TTC6: variants seen among roughly 807,000 people sequenced by gnomAD.
The protein encoded by TTC6 is tetratricopeptide repeat domain 6.
In TTC6, 172 loss-of-function variants were observed where a neutral mutation model predicts 210.4. The ratio of observed to expected loss-of-function variants is 0.82; its 90% CI spans 0.72 to 0.93. The LOEUF (loss-of-function observed/expected upper bound fraction) is 0.93. Ranked by LOEUF, TTC6 falls within the 40% of genes least tolerant of loss-of-function variation. The pLI, the probability that TTC6 is intolerant of heterozygous loss-of-function variation, is 0.00. For synonymous variants in TTC6, 804 were observed against 819.6 expected, an observed-to-expected ratio of 0.98 and a Z score of 0.32; for missense variants, 2,414 against 2,318.1, an observed-to-expected ratio of 1.04 and a Z score of -0.85.
chr14:37,635,249 A>G (rs2095677907), intron 1 of TTC6, among the ~76,000 whole-genome samples: 1 of 152,222 alleles, frequency 6.6e-6, no homozygotes, highest in Non-Finnish European at 1.5e-5. Context: ...AACAATTTCC[A>G]TTCTAGGAGA....
intron 1 of TTC6, among the ~76,000 whole-genome samples, chr14:37,667,401 A>T (rs1481302086): frequency 6.6e-6 from 1 of 150,544 alleles, no homozygotes; most frequent in Admixed American, 6.6e-5. Flanking sequence ...GAGAGATGGA[A>T]TCGCACCCTT....
chr14:37,652,267 C>T (rs1276301775), intron 1 of TTC6, among the ~76,000 whole-genome samples: 1 of 152,098 alleles, frequency 6.6e-6, no homozygotes, highest in Non-Finnish European at 1.5e-5. Context: ...TATGGTTCAC[C>T]TTAATCCATT....
At chr14:37,675,821 C>T (rs1422920445) in intron 1 of TTC6, among the ~76,000 whole-genome samples, 2 of 151,340 alleles carry the variant, frequency 1.3e-5, no homozygotes, top group Admixed American at 6.6e-5. Context: ...TTTGTGTTTC[C>T]CTGATTATTT....
chr14:37,720,117 A>G (rs1326037504), intron 6 of TTC6, among the ~76,000 whole-genome samples: 1 of 152,224 alleles, frequency 6.6e-6, no homozygotes, highest in African/African-American at 2.4e-5. Context: ...TATTAGGGAA[A>G]TGCAAATTAA....
intron 29 of TTC6, among the ~76,000 whole-genome samples, chr14:37,835,835 C>G (rs564173442): frequency 6.6e-6 from 1 of 152,146 alleles, no homozygotes; most frequent in Non-Finnish European, 1.5e-5. Flanking sequence ...ATATAATTCT[C>G]TCTATACGGA....
intron 4 of TTC6, among the ~76,000 whole-genome samples, chr14:37,697,452 T>A (rs1189492993): frequency 6.6e-6 from 1 of 152,134 alleles, no homozygotes; most frequent in Non-Finnish European, 1.5e-5. Flanking sequence ...TAAGTTTTTA[T>A]GGGTTAGTTT....
In TTC6 at chr14:37,841,660, C is replaced by A. The variant is rs766153464; in HGVS notation, c.5514C>A (p.Asp1838Glu). The A allele has an allele frequency of 2.5e-6, 4 of 1,599,900 alleles. No individual in the cohort carries two copies. In the African/African-American group the frequency reaches 5.4e-5, roughly 22 times the overall value. The change falls in exon 30 of 31, where the codon GAC becomes GAA. Residue 1838 changes from aspartate to glutamate, a missense_variant. By Grantham distance (45) the Asp-to-Glu change is conservative (BLOSUM62 2). Coordinates refer to ENST00000553443, the Ensembl canonical transcript of TTC6. ...AGCAATATGAACTAGCTGAGGAAGA[C>A]CTTAATAAAGGTACACTTTTGGTAA... is the stretch of plus-strand genomic sequence containing the variant.
At chr14:37,742,683 G>A (rs547119092) in intron 10 of TTC6, among the ~76,000 whole-genome samples, 66 of 152,162 alleles carry the variant, frequency 4.3e-4, no homozygotes, top group African/African-American at 1.5e-3. Context: ...CTCCCAAAGG[G>A]CTGAGATTAT....
At chr14:37,601,692 T>C (rs897050267) in intron 1 of TTC6, among the ~76,000 whole-genome samples, 44 of 152,298 alleles carry the variant, frequency 2.9e-4, no homozygotes, top group African/African-American at 1.0e-3. Context: ...GCTCTTACCC[T>C]GTCATCAATG....
chr14:37,688,678 T>C (rs1024390944), intron 3 of TTC6, among the ~76,000 whole-genome samples: 6 of 152,194 alleles, frequency 3.9e-5, no homozygotes, highest in Non-Finnish European at 5.9e-5. Flanking sequence ...GTAATTCAGA[T>C]AATTCTTCCA....
intron 1 of TTC6, among the ~76,000 whole-genome samples, chr14:37,632,952 G>C (rs1303424481): frequency 6.6e-6 from 1 of 152,216 alleles, no homozygotes; most frequent in Non-Finnish European, 1.5e-5. Flanking sequence ...AGTAAGGGCA[G>C]ACAACGCCCC....
intron 1 of TTC6, among the ~76,000 whole-genome samples, chr14:37,634,619 A>G (rs947684144): frequency 1.3e-5 from 2 of 152,208 alleles, no homozygotes; most frequent in Non-Finnish European, 1.5e-5. Context: ...ATAAACCTAC[A>G]TATATTCAAG....
At chr14:37,742,136 C>G (rs1379869602) in intron 10 of TTC6, among the ~76,000 whole-genome samples, 1 of 152,162 alleles carries the variant, frequency 6.6e-6, no homozygotes, top group African/African-American at 2.4e-5. Context: ...TATTCTTCAT[C>G]TGAGATCCAG....
chr14:37,827,147 A>AG, intron 28 of TTC6, 49 bp from the exon 31 acceptor site: 1 of 1,451,170 alleles, frequency 6.9e-7, no homozygotes, highest in Middle Eastern at 1.8e-4. Context: ...ATGACATCAG[A>AG]GGTAAATACT....
intron 5 of TTC6, among the ~76,000 whole-genome samples, chr14:37,710,170 G>A (rs2095842395): frequency 6.6e-6 from 1 of 152,088 alleles, no homozygotes; most frequent in Admixed American, 6.6e-5. Flanking sequence ...CCTCTCTCAG[G>A]CTTTTGTATA....
exon 7 of TTC6, chr14:37,724,989 A>G: frequency 1.3e-6 from 2 of 1,512,116 alleles, no homozygotes; most frequent in East Asian, 4.9e-5. Flanking sequence ...GAAACTCTAT[A>G]TCCAAAATAT....
intron 14 of TTC6, among the ~76,000 whole-genome samples, chr14:37,773,469 G>T (rs1020857020): frequency 6.6e-6 from 1 of 152,130 alleles, no homozygotes; most frequent in African/African-American, 2.4e-5. Context: ...TCAATCTTCT[G>T]CATATGGCTA....
At position 37,646,262 on chromosome 14, in the gene TTC6, C is replaced by T. The variant is rs141871599; in HGVS notation, c.939+23259C>T. 2.2e-3 allele frequency among the ~76,000 whole-genome samples: 333 copies of T among 152,250 alleles called. 1 individual carries two copies. The highest frequency in any genetic ancestry group is 7.6e-3 in the African/African-American group (316 of 41,544). The stretch of plus-strand genomic sequence containing the variant: ...TTTGAAATGGAGAAAATGAGCTAGG[C>T]CTCTTTATAAATGTAATGTCAAAAT... On this transcript the variant is annotated intron_variant, in intron 1 of 30. Transcript: ENST00000553443.
At chr14:37,706,923 T>G (rs971679050) in intron 5 of TTC6, among the ~76,000 whole-genome samples, 1 of 152,118 alleles carries the variant, frequency 6.6e-6, no homozygotes, top group East Asian at 1.9e-4. Context: ...GGTTTTTTTC[T>G]AATAGGTTGG....
Sources: allele counts gnomAD v4.1 joint callset (sites outside exome capture counted in the v4.1 genomes callset), GRCh38; gene constraint gnomAD v4.1.1; transcripts MANE v1.5; gene names NCBI Gene and HGNC (gene_info 2026-07-23, HGNC 2026-07-21).